TMEM44: variants seen among roughly 807,000 people sequenced by gnomAD.
The protein encoded by TMEM44 is transmembrane protein 44.
In TMEM44, 43 loss-of-function variants were observed where a neutral mutation model predicts 47.8. The ratio of observed to expected loss-of-function variants is 0.90; its 90% confidence interval spans 0.70 to 1.16. TMEM44 has a LOEUF of 1.16. Among genes scored for constraint, TMEM44 ranks in the 50% most tolerant of loss-of-function variants. TMEM44 has a pLI of 0.00. For missense variants in TMEM44, 568 were observed against 555.2 expected, an observed-to-expected ratio of 1.02 and a Z score of -0.23; for synonymous variants, 277 against 238.8, an observed-to-expected ratio of 1.16 and a Z score of -1.48.
At chr3:194,625,187 A>T (rs1205452882) in intron 3 of TMEM44, among the ~76,000 whole-genome samples, 1 of 152,146 alleles carries the variant, frequency 6.6e-6, no homozygotes, top group Non-Finnish European at 1.5e-5. Context: ...AGTAGCTGTG[A>T]AGCTTCGCTT....
chr3:194,616,280 G>C (rs1253351666), intron 6 of TMEM44, among the ~76,000 whole-genome samples: 1 of 152,170 alleles, frequency 6.6e-6, no homozygotes, highest in African/African-American at 2.4e-5. Flanking sequence ...TCAAACTCCT[G>C]ATCTCAGATG....
intron 9 of TMEM44, chr3:194,597,160 T>C (rs1012530240): frequency 6.6e-6 from 1 of 152,352 alleles, no homozygotes; most frequent in African/African-American, 2.4e-5. Flanking sequence ...TTCTTCACTA[T>C]GCAGACTTTG....
In TMEM44 at chr3:194,623,542, G is replaced by T. The variant is rs756752263; in HGVS notation, c.512C>A (p.Ala171Glu). ...TIRGPQRRLL[A>E]SLLQENTEIL... The stretch of plus-strand genomic sequence containing the variant: ...GCCCAGCCTCACCTGCAGCAGGCTC[G>T]CTAGCAGCCTCCGCTGTGGCCCCCG... The change falls in exon 4 of 10, where the codon GCG (alanine) becomes GAG (glutamate). Residue 171 changes from alanine to glutamate, a missense_variant. Physicochemically the swap from Ala to Glu is moderately radical, Grantham distance 107 (BLOSUM62 -1). Coordinates refer to ENST00000347147, the MANE Select transcript of TMEM44 (RefSeq NM_001011655.3). 2.2e-5 allele frequency: 35 copies of T among 1,596,640 alleles called. 1 individual carries two copies. The highest frequency in any genetic ancestry group is 2.1e-4 in the South Asian group (19 of 89,256).
chr3:194,619,256 G>A (rs1192529373), intron 5 of TMEM44, among the ~76,000 whole-genome samples: 1 of 152,144 alleles, frequency 6.6e-6, no homozygotes, highest in East Asian at 1.9e-4. Context: ...TCCTGGGGCC[G>A]ACCCTGAAAA....
At chr3:194,602,712 C>T (rs911484139) in intron 9 of TMEM44, among the ~76,000 whole-genome samples, 4 of 151,948 alleles carry the variant, frequency 2.6e-5, no homozygotes, top group Non-Finnish European at 4.4e-5. Context: ...GAGAAGAGTC[C>T]GTGGCCAGGT....
At chr3:194,615,241 C>T (rs1487684146) in intron 7 of TMEM44, among the ~76,000 whole-genome samples, 1 of 151,748 alleles carries the variant, frequency 6.6e-6, no homozygotes, top group Non-Finnish European at 1.5e-5. Context: ...GACTCCATCT[C>T]AATCAATCAA....
chr3:194,605,579 C>T (rs942046965), intron 8 of TMEM44, among the ~76,000 whole-genome samples: 5 of 152,186 alleles, frequency 3.3e-5, no homozygotes, highest in Non-Finnish European at 7.4e-5. Context: ...ATAAAACCAT[C>T]AGATCTCGTG....
chr3:194,616,667 A>C, intron 6 of TMEM44: 1 of 445,472 alleles, frequency 2.2e-6, no homozygotes, highest in Non-Finnish European at 4.5e-6. Flanking sequence ...ACACCCCACC[A>C]CCAACACGCC....
chr3:194,610,578 C>T (rs1715210554), intron 8 of TMEM44, among the ~76,000 whole-genome samples: 1 of 152,158 alleles, frequency 6.6e-6, no homozygotes, highest in Non-Finnish European at 1.5e-5. Flanking sequence ...TGCCTCCCAC[C>T]CCAGAACCCC....
intron 9 of TMEM44, among the ~76,000 whole-genome samples, chr3:194,601,561 C>T (rs1714131773): frequency 6.6e-6 from 1 of 151,976 alleles, no homozygotes; most frequent in African/African-American, 2.4e-5. Flanking sequence ...CCTTGGCCTC[C>T]CAAAGTACTG....
At chr3:194,605,513 G>A (rs1165659289) in intron 8 of TMEM44, among the ~76,000 whole-genome samples, 8 of 152,208 alleles carry the variant, frequency 5.3e-5, no homozygotes, top group South Asian at 4.1e-4. Flanking sequence ...AGCAAGTCAC[G>A]TCTTACATGG....
In TMEM44 at chr3:194,596,430, G is replaced by C. The variant is rs190400525; in HGVS notation, c.1177-7791C>G. Among the ~76,000 whole-genome samples, 145 of 152,290 alleles carry C rather than the reference G, an allele frequency of 9.5e-4. 2 individuals carry two copies. In the South Asian group the frequency reaches 0.021, roughly 22 times the overall value. On this transcript the variant is annotated intron_variant, in intron 9 of 9. Coordinates refer to ENST00000347147, the MANE Select transcript of TMEM44 (RefSeq NM_001011655.3). ...GCAGCCTGCCCTGCTATGCTACCAA[G>C]ATTCATTCACACATTTTGCTGGTGG...
chr3:194,621,518 G>A (rs1437336718), intron 5 of TMEM44, among the ~76,000 whole-genome samples: 2 of 152,084 alleles, frequency 1.3e-5, no homozygotes, highest in Non-Finnish European at 2.9e-5. Context: ...CTGCTGAGCT[G>A]AGCCCAGTGC....
intron 8 of TMEM44, among the ~76,000 whole-genome samples, chr3:194,607,709 T>C (rs757304309): frequency 3.9e-5 from 6 of 152,186 alleles, no homozygotes; most frequent in Non-Finnish European, 8.8e-5. Flanking sequence ...CTTAGACCAG[T>C]ACTCTGGCCC....
chr3:194,595,151 G>A (rs571733967), intron 9 of TMEM44, among the ~76,000 whole-genome samples: 3 of 152,186 alleles, frequency 2.0e-5, no homozygotes, highest in Non-Finnish European at 4.4e-5. Context: ...TCTGAAACAT[G>A]TATGTATTAT....
At chr3:194,596,659 C>G (rs1445759056) in intron 9 of TMEM44, among the ~76,000 whole-genome samples, 12 of 152,064 alleles carry the variant, frequency 7.9e-5, no homozygotes, top group Non-Finnish European at 1.5e-4. Flanking sequence ...GGCGTGGTGG[C>G]GCATGCCTGT....
chr3:194,629,115 G>GATC (rs893721561), intron 1 of TMEM44, among the ~76,000 whole-genome samples: 4 of 150,608 alleles, frequency 2.7e-5, no homozygotes, highest in African/African-American at 9.8e-5. Flanking sequence ...AGTGAGCCAA[G>GATC]ATCACACCAT....
intron 3 of TMEM44, among the ~76,000 whole-genome samples, chr3:194,624,987 G>C (rs1196105230): frequency 2.6e-5 from 4 of 152,150 alleles, no homozygotes; most frequent in African/African-American, 9.7e-5. Flanking sequence ...AAAGTGCTGG[G>C]ATTACAGGTG....
At chr3:194,593,213 G>C in intron 9 of TMEM44, 2 of 777,620 alleles carry the variant, frequency 2.6e-6, no homozygotes, top group Non-Finnish European at 2.2e-6. Flanking sequence ...CAAAGGAACA[G>C]GTGACTTCAG....
Sources: gnomAD v4.1 joint callset for allele counts (sites outside exome capture counted in the v4.1 genomes callset) on GRCh38, gnomAD v4.1.1 for gene constraint, MANE v1.5 for transcripts, NCBI Gene and HGNC (gene_info 2026-07-23, HGNC 2026-07-21) for gene names.